Variants in PRIMA1 observed in about 807,000 individuals in gnomAD.
PRIMA1 encodes proline-rich membrane anchor 1.
PRIMA1 carries 7 observed loss-of-function variants against 17.5 expected under a neutral mutation model. That is an observed-to-expected ratio of 0.40 (90% CI 0.23 to 0.75). The LOEUF is 0.75. Among genes scored for constraint, PRIMA1 ranks in the 30% least tolerant of loss-of-function variants. PRIMA1 has a pLI of 0.37. For missense variants in PRIMA1, 200 were observed against 201.8 expected (o/e 0.99, Z 0.05); for synonymous variants, 97 against 77.9 (o/e 1.25, Z -1.29).
chr14:93,720,571 T>C lies in PRIMA1; in HGVS notation c.*873A>G, dbSNP rs1202331444. 1 of 152,956 alleles carries C rather than the reference T, an allele frequency of 6.5e-6. No homozygotes were observed. Among genetic ancestry groups the C allele is most frequent in the Non-Finnish European group, 1.5e-5 (1 of 68,302 alleles). The allele number at this position is 152,956 out of a possible 1,614,324, so 9.5% of individuals were successfully genotyped here. On this transcript the variant is annotated 3_prime_UTR_variant, in exon 5 of 5. Transcript: ENST00000393140. ...CTGGTACAGCAGGCCCACAGTGGATTTGGCACAAGTAGTGGCCTCTGCTGA... is the reference window on the plus strand; with the variant it reads ...CTGGTACAGCAGGCCCACAGTGGATCTGGCACAAGTAGTGGCCTCTGCTGA...
chr14:93,770,367 G>A (rs935400335), intron 3 of PRIMA1, among the ~76,000 whole-genome samples: 7 of 152,172 alleles, frequency 4.6e-5, no homozygotes, highest in Non-Finnish European at 8.8e-5. Context: ...TAGCCTCCAC[G>A]GCCCTGTGCG....
chr14:93,737,762 T>A (rs2141161564), intron 3 of PRIMA1, among the ~76,000 whole-genome samples: 1 of 152,346 alleles, frequency 6.6e-6, no homozygotes, highest in Admixed American at 6.5e-5. Context: ...CCAGCCAGGC[T>A]GGCCTCTGAG....
chr14:93,756,333 G>T (rs968624478), intron 3 of PRIMA1, among the ~76,000 whole-genome samples: 1 of 152,330 alleles, frequency 6.6e-6, no homozygotes, highest in Non-Finnish European at 1.5e-5. Flanking sequence ...CCAGGCTGTG[G>T]CCTCAGACAT....
chr14:93,739,057 C>CT (rs111634756), intron 3 of PRIMA1, among the ~76,000 whole-genome samples: 1,700 of 145,162 alleles, frequency 0.012, 27 homozygotes, highest in African/African-American at 0.038. Flanking sequence ...TTTTTTCTTT[C>CT]TTTTTTTTTT....
At chr14:93,746,762 T>G in intron 3 of PRIMA1, among the ~76,000 whole-genome samples, 1 of 151,408 alleles carries the variant, frequency 6.6e-6, no homozygotes, top group African/African-American at 2.4e-5. Flanking sequence ...GCAGAGGCGG[T>G]GAGGAAAGGT....
At chr14:93,784,722 T>A (rs1885472641) in intron 2 of PRIMA1, among the ~76,000 whole-genome samples, 1 of 152,142 alleles carries the variant, frequency 6.6e-6, no homozygotes. Flanking sequence ...ATCCTTCATG[T>A]CTCAGCTGAA....
chr14:93,722,936 A>G (rs2076051753), intron 4 of PRIMA1, among the ~76,000 whole-genome samples: 1 of 152,048 alleles, frequency 6.6e-6, no homozygotes, highest in East Asian at 1.9e-4. Flanking sequence ...GAGGGCCCCT[A>G]ACCCCAAAAG....
At chr14:93,747,197 G>A (rs1403910274) in intron 3 of PRIMA1, among the ~76,000 whole-genome samples, 1 of 152,162 alleles carries the variant, frequency 6.6e-6, no homozygotes, top group Admixed American at 6.5e-5. Context: ...GGCTTGTGAG[G>A]AAGGCGGCCC....
At chr14:93,734,522 G>C (rs1247295411) in intron 4 of PRIMA1, among the ~76,000 whole-genome samples, 1 of 152,194 alleles carries the variant, frequency 6.6e-6, no homozygotes, top group African/African-American at 2.4e-5. Flanking sequence ...TGTCTTCCTA[G>C]AGGTGCTAAC....
chr14:93,775,246 G>A (rs1404941187), intron 3 of PRIMA1, among the ~76,000 whole-genome samples: 1 of 152,216 alleles, frequency 6.6e-6, no homozygotes, highest in South Asian at 2.1e-4. Context: ...TGGCAGGAAG[G>A]GACACTCCAG....
intron 4 of PRIMA1, among the ~76,000 whole-genome samples, chr14:93,736,676 C>G (rs768095026): frequency 6.6e-6 from 1 of 152,230 alleles, no homozygotes; most frequent in Non-Finnish European, 1.5e-5. Context: ...TGTTTTAAGA[C>G]TTTTACCTTG....
chr14:93,729,034 G>A lies in PRIMA1; in HGVS notation c.360-7488C>T, dbSNP rs2076097536. Among the ~76,000 whole-genome samples, 5 of 152,200 alleles carry A rather than the reference G, an allele frequency of 3.3e-5. No individual in the cohort carries two copies. In the South Asian group the frequency reaches 1.0e-3, roughly 31 times the overall value. Reference sequence around the variant, plus strand: ...GGATGGAGGATGTGGGTGTGATGGTGAGGACACTGCATCTTCTGGGACTCC... The same window carrying A: ...GGATGGAGGATGTGGGTGTGATGGTAAGGACACTGCATCTTCTGGGACTCC... On this transcript the variant is annotated intron_variant, in intron 4 of 4. Transcript: ENST00000393140.
At chr14:93,758,303 T>C (rs115705912) in intron 3 of PRIMA1, among the ~76,000 whole-genome samples, 3,103 of 152,180 alleles carry the variant, frequency 0.02, 114 homozygotes, top group African/African-American at 0.07. Flanking sequence ...TATTGACATT[T>C]GGCTGGGTGT....
At chr14:93,733,846 C>T (rs1423615027) in intron 4 of PRIMA1, among the ~76,000 whole-genome samples, 2 of 152,238 alleles carry the variant, frequency 1.3e-5, no homozygotes, top group African/African-American at 4.8e-5. Flanking sequence ...GGACAGGCAG[C>T]TGGCCTGAGT....
intron 3 of PRIMA1, among the ~76,000 whole-genome samples, chr14:93,767,457 CA>C (rs545520469): frequency 1.8e-3 from 276 of 152,292 alleles, no homozygotes; most frequent in Middle Eastern, 0.014. Context: ...TATCAGGTCC[CA>C]GAGCCCAGAA....
In PRIMA1 at chr14:93,721,557, G is replaced by A. The variant is rs368346847; in HGVS notation, c.360-11C>T. 9.1e-5 allele frequency: 144 copies of A among 1,590,448 alleles called. No individual in the cohort carries two copies. Among genetic ancestry groups the A allele is most frequent in the Middle Eastern group, 6.6e-4 (4 of 6,038 alleles). ...TTTCTCAGTGGTTTCCTGGAAGTGG[G>A]GGGAGGGGACAGGAAAGGCAAAGGA... is the stretch of plus-strand genomic sequence containing the variant. On this transcript the variant is annotated splice_polypyrimidine_tract_variant and intron_variant, in intron 4 of 4. Transcript: ENST00000393140.
At chr14:93,762,200 G>A (rs376227510) in intron 3 of PRIMA1, among the ~76,000 whole-genome samples, 5 of 152,140 alleles carry the variant, frequency 3.3e-5, no homozygotes, top group East Asian at 1.9e-4. Flanking sequence ...TGACAGTGAC[G>A]AAGCTCTCTC....
At chr14:93,787,923 T>C (rs1885573376) in intron 1 of PRIMA1, among the ~76,000 whole-genome samples, 174 bp from the exon 2 acceptor site, 1 of 152,078 alleles carries the variant, frequency 6.6e-6, no homozygotes, top group South Asian at 2.1e-4. Flanking sequence ...TCTTCGTCAG[T>C]CCCAGAATTC....
chr14:93,787,063 C>T (rs1200741934), intron 2 of PRIMA1, among the ~76,000 whole-genome samples: 1 of 152,116 alleles, frequency 6.6e-6, no homozygotes, highest in African/African-American at 2.4e-5. Context: ...CCCTCTCTGA[C>T]CCTAAGAGGT....
Sources: gnomAD v4.1 joint callset for allele counts (sites outside exome capture counted in the v4.1 genomes callset) on GRCh38, gnomAD v4.1.1 for gene constraint, MANE v1.5 for transcripts, NCBI Gene and HGNC (gene_info 2026-07-23, HGNC 2026-07-21) for gene names.